GRID1: variants seen among roughly 807,000 people sequenced by gnomAD.
GRID1 encodes glutamate ionotropic receptor delta type subunit 1, also known as glutamate receptor ionotropic, delta-1.
In GRID1, 28 loss-of-function variants were observed where a neutral mutation model predicts 98.0. The ratio of observed to expected loss-of-function variants is 0.29; its 90% CI spans 0.21 to 0.39. GRID1 has a LOEUF of 0.39. Ranked by LOEUF, GRID1 falls within the 10% of genes least tolerant of loss-of-function variation. The pLI is 1.00. For missense variants in GRID1, 1,111 were observed against 1,340.5 expected (o/e 0.83, Z 2.67); for synonymous variants, 553 against 538.5 (o/e 1.03, Z -0.37).
intron 12 of GRID1, among the ~76,000 whole-genome samples, chr10:85,692,081 C>G (rs1483597777): frequency 6.6e-6 from 1 of 152,130 alleles, no homozygotes; most frequent in Admixed American, 6.5e-5. Context: ...GCAGCTTTCT[C>G]TCTACATCTA....
At chr10:85,808,808 A>C (rs1842644132) in intron 8 of GRID1, among the ~76,000 whole-genome samples, 1 of 152,224 alleles carries the variant, frequency 6.6e-6, no homozygotes, top group Non-Finnish European at 1.5e-5. Flanking sequence ...ATCTCCCACA[A>C]TGTCCAGGAA....
At chr10:85,644,051 G>A (rs6585972) in intron 13 of GRID1, 42,353 of 151,956 alleles carry the variant, frequency 0.28, 6,107 homozygotes, top group Middle Eastern at 0.43. Context: ...ACCAACCAGA[G>A]GGCTCAGTGG....
intron 3 of GRID1, among the ~76,000 whole-genome samples, chr10:86,154,281 T>C (rs1467302319): frequency 6.6e-6 from 1 of 152,100 alleles, no homozygotes; most frequent in Non-Finnish European, 1.5e-5. Flanking sequence ...TGTCCCACTC[T>C]CTCCCCTTCA....
intron 2 of GRID1, among the ~76,000 whole-genome samples, chr10:86,334,879 T>C (rs1037543343): frequency 6.6e-6 from 1 of 152,230 alleles, no homozygotes; most frequent in African/African-American, 2.4e-5. Context: ...TGCCATCTCC[T>C]GGCCAGCCAG....
At chr10:86,122,722 G>T (rs1844694357) in intron 4 of GRID1, among the ~76,000 whole-genome samples, 1 of 152,262 alleles carries the variant, frequency 6.6e-6, no homozygotes, top group Admixed American at 6.5e-5. Context: ...CCATTTCACA[G>T]ATAAATTTAT....
At chr10:86,329,084 G>A (rs1848098981) in intron 2 of GRID1, among the ~76,000 whole-genome samples, 1 of 152,204 alleles carries the variant, frequency 6.6e-6, no homozygotes, top group South Asian at 2.1e-4. Flanking sequence ...CTGGCTCAGA[G>A]AAAGAAGCAG....
chr10:85,742,401 G>A (rs935625928), intron 8 of GRID1, among the ~76,000 whole-genome samples: 2 of 152,076 alleles, frequency 1.3e-5, no homozygotes, highest in South Asian at 2.1e-4. Flanking sequence ...GGGCCCAAGG[G>A]CCATAGTTCG....
intron 5 of GRID1, among the ~76,000 whole-genome samples, chr10:85,894,814 C>A (rs1483278743): frequency 6.6e-6 from 1 of 151,540 alleles, no homozygotes; most frequent in Non-Finnish European, 1.5e-5. Context: ...TCAAGACCAG[C>A]CTTGCCAGCA....
intron 4 of GRID1, among the ~76,000 whole-genome samples, chr10:86,013,146 A>G (rs1180344272): frequency 6.6e-6 from 1 of 152,164 alleles, no homozygotes; most frequent in Admixed American, 6.5e-5. Context: ...CAATTTCCCG[A>G]GTGTCTGTTT....
intron 12 of GRID1, among the ~76,000 whole-genome samples, chr10:85,678,637 C>T (rs898823702): frequency 1.3e-5 from 2 of 152,158 alleles, no homozygotes; most frequent in Non-Finnish European, 2.9e-5. Flanking sequence ...GACTTTGCCC[C>T]ATACATCAGC....
At chr10:86,171,160 G>A (rs1330638481) in intron 3 of GRID1, among the ~76,000 whole-genome samples, 2 of 152,156 alleles carry the variant, frequency 1.3e-5, no homozygotes, top group African/African-American at 4.8e-5. Context: ...GGATCCCAAG[G>A]TGCAGCCACT....
intron 12 of GRID1, among the ~76,000 whole-genome samples, chr10:85,679,461 C>T (rs1841182272): frequency 6.6e-6 from 1 of 152,226 alleles, no homozygotes; most frequent in African/African-American, 2.4e-5. Flanking sequence ...AACAGGAGCA[C>T]ATTTCCAGCT....
intron 2 of GRID1, among the ~76,000 whole-genome samples, chr10:86,284,996 C>CAAT (rs61103965): frequency 4.6e-5 from 7 of 150,876 alleles, no homozygotes; most frequent in Admixed American, 1.3e-4. Flanking sequence ...CTGGAAGGTA[C>CAAT]GAGACCATGC....
intron 4 of GRID1, among the ~76,000 whole-genome samples, chr10:86,040,688 G>T (rs1843333606): frequency 6.6e-6 from 1 of 152,032 alleles, no homozygotes; most frequent in Admixed American, 6.6e-5. Context: ...GCAAAGTAGG[G>T]TGACTATAGC....
intron 4 of GRID1, among the ~76,000 whole-genome samples, chr10:86,000,458 G>A (rs1589331174): frequency 6.6e-6 from 1 of 152,142 alleles, no homozygotes; most frequent in East Asian, 1.9e-4. Flanking sequence ...AAAGGCAAAG[G>A]AATTAGAACA....
Position 85,815,246 on chromosome 10 carries a change from G to A in GRID1, c.1233+39250C>T, listed in dbSNP as rs545780952. Among the ~76,000 whole-genome samples, 39 of 152,046 alleles carry A rather than the reference G, an allele frequency of 2.6e-4. No homozygotes were observed. The South Asian group carries it at 7.5e-3, about 29-fold the overall frequency. On this transcript the variant is annotated intron_variant, in intron 8 of 15. Coordinates refer to ENST00000327946, the MANE Select transcript of GRID1 (RefSeq NM_017551.3). ...ACTAAGAACAGAAGGAAACTTCCAC[G>A]ACTTAATAAAAGACATCTTTTTAAA...
chr10:85,920,448 T>TC (rs1417408237), intron 4 of GRID1, among the ~76,000 whole-genome samples: 11 of 152,116 alleles, frequency 7.2e-5, no homozygotes, highest in Non-Finnish European at 1.2e-4. Flanking sequence ...CCTCATTCCT[T>TC]CCTTCCTTCA....
chr10:86,207,584 A>T (rs905412402), intron 2 of GRID1, among the ~76,000 whole-genome samples: 20 of 149,876 alleles, frequency 1.3e-4, no homozygotes, highest in Non-Finnish European at 2.7e-4. Flanking sequence ...TCTCTTACTA[A>T]TGGTTTATGC....
At chr10:85,762,724 G>T (rs72841477) in intron 8 of GRID1, among the ~76,000 whole-genome samples, 5 of 152,354 alleles carry the variant, frequency 3.3e-5, no homozygotes, top group Non-Finnish European at 5.9e-5. Flanking sequence ...CAATGGGGAA[G>T]AGAAGAAAGT....
Sources: allele counts gnomAD v4.1 joint callset (sites outside exome capture counted in the v4.1 genomes callset), GRCh38; gene constraint gnomAD v4.1.1; transcripts MANE v1.5; gene names NCBI Gene and HGNC (gene_info 2026-07-23, HGNC 2026-07-21).